PLCG2: variants seen among roughly 807,000 people sequenced by gnomAD.
PLCG2 encodes the protein 1-phosphatidylinositol 4,5-bisphosphate phosphodiesterase gamma-2.
In PLCG2, 69 loss-of-function variants were observed where a neutral mutation model predicts 175.6. That is an observed-to-expected ratio of 0.39 (90% CI 0.32 to 0.48). PLCG2 has a LOEUF of 0.48. Among genes scored for constraint, PLCG2 ranks in the 20% least tolerant of loss-of-function variants. The pLI, the probability that PLCG2 is intolerant of heterozygous loss-of-function variation, is 0.91. For synonymous variants in PLCG2, 827 were observed against 624.0 expected (o/e 1.33, Z -4.85); for missense variants, 1,798 against 1,650.9 (o/e 1.09, Z -1.54).
At chr16:81,826,772 C>T (rs1038622944) in intron 2 of PLCG2, among the ~76,000 whole-genome samples, 5 of 152,204 alleles carry the variant, frequency 3.3e-5, no homozygotes, top group African/African-American at 9.6e-5. Flanking sequence ...TAGCAAGAAC[C>T]TTCCCAAAGC....
chr16:81,773,385 C>A (rs78410527), intron 2 of PLCG2, among the ~76,000 whole-genome samples: 2,931 of 152,276 alleles, frequency 0.019, 38 homozygotes, highest in Middle Eastern at 0.051. Context: ...AGACTCCAGA[C>A]ATGAGAACGA....
rs114530774 is a variant in PLCG2, at chr16:81,915,543, A to G, written c.2054+2827A>G. ...TCCCCTTCTGATTCTCTTTTCTCCC[A>G]GGGAAGTTAGTTGTGGGTTGATTTC... On this transcript the variant is annotated intron_variant, in intron 19 of 32. Transcript: ENST00000564138. Among the ~76,000 whole-genome samples the G allele has an allele frequency of 2.6e-3, 398 of 152,306 alleles. 5 individuals carry two copies. Among genetic ancestry groups the G allele is most frequent in the African/African-American group, 9.1e-3 (377 of 41,576 alleles).
chr16:81,938,446 C>A (rs1910805062), intron 28 of PLCG2: 2 of 291,412 alleles, frequency 6.9e-6, no homozygotes, highest in South Asian at 9.2e-5. Context: ...AAAAGAATGC[C>A]ACACTGTTCC....
In PLCG2 at chr16:81,773,966, T is replaced by C. The variant is rs183664450; in HGVS notation, c.-47-11977T>C. On this transcript the variant is annotated intron_variant, in intron 2 of 5. Transcript: ENST00000565054. ...TGGAGCCTGGGAGTGCCTGGCCCCT[T>C]GCAGGCACTCCGCAAATGTTTGTTG... Among the ~76,000 whole-genome samples the C allele has an allele frequency of 5.9e-5, 9 of 151,948 alleles. No individual in the cohort carries two copies. The East Asian group carries it at 1.7e-3, about 29-fold the overall frequency.
At chr16:81,753,422 AT>A (rs753282815) in intron 1 of PLCG2, among the ~76,000 whole-genome samples, 2,351 of 118,002 alleles carry the variant, frequency 0.02, 57 homozygotes, top group African/African-American at 0.064. Flanking sequence ...ATTTAATTTA[AT>A]TTTTTTTTTT....
chr16:81,815,395 A>T (rs1412468028), intron 2 of PLCG2, among the ~76,000 whole-genome samples: 1 of 152,212 alleles, frequency 6.6e-6, no homozygotes, highest in Non-Finnish European at 1.5e-5. Flanking sequence ...AGGTGAAGAT[A>T]CAGTCTTAGA....
chr16:81,783,219 G>A (rs1182460376), intron 1 of PLCG2: 4 of 455,034 alleles, frequency 8.8e-6, no homozygotes, highest in African/African-American at 4.0e-5. Context: ...ACTCCAGGAT[G>A]CATGGCTGGG....
Position 81,901,247 on chromosome 16 carries a change from A to G in PLCG2, c.1362+467A>G, listed in dbSNP as rs75731203. On this transcript the variant is annotated intron_variant, in intron 14 of 32. Transcript: ENST00000564138. Reference sequence around the variant, plus strand: ...TGTGTGGGAGGCGGGCAGTTGCTAGAAAAGGCTGAGTGCAGCAATAGAGCT... The same window carrying G: ...TGTGTGGGAGGCGGGCAGTTGCTAGGAAAGGCTGAGTGCAGCAATAGAGCT... Among the ~76,000 whole-genome samples, 444 of 152,322 alleles carry G rather than the reference A, an allele frequency of 2.9e-3. 2 individuals carry two copies. The highest frequency in any genetic ancestry group is 9.9e-3 in the African/African-American group (413 of 41,566).
In PLCG2 at chr16:81,923,576, C is replaced by G. The variant is rs769337881; in HGVS notation, c.2399C>G (p.Ser800Cys). The change falls in exon 22 of 33, where the codon TCC becomes TGC. Residue 800 changes from serine (S) to cysteine (C), a missense_variant. Ser to Cys is a moderately radical substitution (Grantham distance 112, BLOSUM62 -1). Coordinates refer to ENST00000564138, the MANE Select transcript of PLCG2 (RefSeq NM_002661.5). ...CGTGGTGCCCTCATCCACAATGTCT[C>G]CAAGGAGCCCGGGGGCTGGTAAGGC... ...FCRGALIHNV[S>C]KEPGGWWKGD... 2.5e-6 allele frequency: 4 copies of G among 1,611,684 alleles called. No individual in the cohort carries two copies. The highest frequency in any genetic ancestry group is 3.4e-6 in the Non-Finnish European group (4 of 1,177,978).
At chr16:81,880,710 G>A (rs1908036038) in intron 7 of PLCG2, among the ~76,000 whole-genome samples, 200 bp from the exon 8 acceptor site, 1 of 152,194 alleles carries the variant, frequency 6.6e-6, no homozygotes, top group Non-Finnish European at 1.5e-5. Flanking sequence ...ACTGTGGAGG[G>A]AATGAGGAGG....
chr16:81,949,626 G>A (rs1306835865), intron 31 of PLCG2, among the ~76,000 whole-genome samples: 4 of 152,160 alleles, frequency 2.6e-5, no homozygotes, highest in African/African-American at 9.7e-5. Context: ...AGTCAGAAAA[G>A]AAAACTTTTA....
chr16:81,917,942 C>T (rs1322706353), intron 19 of PLCG2, among the ~76,000 whole-genome samples: 1 of 152,110 alleles, frequency 6.6e-6, no homozygotes, highest in African/African-American at 2.4e-5. Flanking sequence ...AGGCTGGTAT[C>T]GAACTCCTGA....
intron 1 of PLCG2, chr16:81,740,331 C>T (rs140217952): frequency 6.6e-6 from 1 of 152,164 alleles, no homozygotes; most frequent in African/African-American, 2.4e-5. Flanking sequence ...GTGACGTAGG[C>T]ACAGCCAATG....
rs76930182 is a variant in PLCG2, at chr16:81,933,456, C to A, written c.2740-973C>A. 9.6e-3 allele frequency among the ~76,000 whole-genome samples: 1,462 copies of A among 152,272 alleles called. 18 individuals carry two copies. The highest frequency in any genetic ancestry group is 0.034 in the African/African-American group (1,408 of 41,548). ...CCTCATTGATGGCAGAGGGCAGTCA[C>A]AAAATCCTTCTAGTTAGTGGGTTTC... On this transcript the variant is annotated intron_variant, in intron 25 of 32. Coordinates refer to ENST00000564138, the MANE Select transcript of PLCG2 (RefSeq NM_002661.5).
intron 27 of PLCG2, 22 bp from the exon 28 acceptor site, chr16:81,937,736 A>AT: frequency 6.2e-7 from 1 of 1,609,584 alleles, no homozygotes; most frequent in Non-Finnish European, 8.5e-7. Flanking sequence ...GACTTACAGC[A>AT]GGCGTTCACT....
chr16:81,793,691 C>T (rs915081467), intron 2 of PLCG2, among the ~76,000 whole-genome samples: 1 of 152,060 alleles, frequency 6.6e-6, no homozygotes, highest in Non-Finnish European at 1.5e-5. Context: ...AATAGTGATA[C>T]CGTTGATGAG....
intron 2 of PLCG2, among the ~76,000 whole-genome samples, chr16:81,830,834 C>G (rs987077285): frequency 1.3e-5 from 2 of 151,874 alleles, no homozygotes; most frequent in Non-Finnish European, 2.9e-5. Context: ...CATCGGGCTT[C>G]TGGATGACTG....
At chr16:81,893,687 C>T in intron 11 of PLCG2, 22 bp from the exon 12 acceptor site, 2 of 1,538,562 alleles carry the variant, frequency 1.3e-6, no homozygotes, top group Non-Finnish European at 9.0e-7. Context: ...TCTCACACGG[C>T]CACCTGCCTT....
rs747277894 is a variant in PLCG2, at chr16:81,936,157, C to G, written c.2843-12C>G. The G allele has an allele frequency of 3.1e-6, 5 of 1,613,354 alleles. No individual in the cohort carries two copies. Among genetic ancestry groups the G allele is most frequent in the Middle Eastern group, 3.3e-4 (2 of 6,084 alleles). ...ACACAGAAGTACTGATGACCTTTTTCTCTGTGTGCAGAAAATCCTGACTTC... is the reference window on the plus strand; with the variant it reads ...ACACAGAAGTACTGATGACCTTTTTGTCTGTGTGCAGAAAATCCTGACTTC... On this transcript the variant is annotated splice_polypyrimidine_tract_variant and intron_variant, in intron 26 of 32. Coordinates refer to ENST00000564138, the MANE Select transcript of PLCG2 (RefSeq NM_002661.5).
Sources: allele counts gnomAD v4.1 joint callset (sites outside exome capture counted in the v4.1 genomes callset), GRCh38; gene constraint gnomAD v4.1.1; transcripts MANE v1.5; gene names NCBI Gene and HGNC (gene_info 2026-07-23, HGNC 2026-07-21).